The following NEGR1 variants were observed in gnomAD, a reference collection of about 807,000 sequenced individuals.
NEGR1 encodes the protein IgLON family member 4.
Under a neutral mutation model 40.9 loss-of-function variants are expected in NEGR1, and 10 were observed. That is an observed-to-expected ratio of 0.24 (90% confidence interval 0.15 to 0.42). The LOEUF (loss-of-function observed/expected upper bound fraction) is 0.42, where lower values mean the gene tolerates loss of function less well. Among genes scored for constraint, NEGR1 ranks in the 10% least tolerant of loss-of-function variants. The pLI, the probability that NEGR1 is intolerant of heterozygous loss-of-function variation, is 1.00. For synonymous variants in NEGR1, 185 were observed against 166.8 expected, an observed-to-expected ratio of 1.11 and a Z score of -0.84; for missense variants, 352 against 438.9, an observed-to-expected ratio of 0.80 and a Z score of 1.77.
chr1:71,480,384 A>G (rs895629299), intron 6 of NEGR1, among the ~76,000 whole-genome samples: 2 of 151,814 alleles, frequency 1.3e-5, no homozygotes, highest in African/African-American at 4.8e-5. Flanking sequence ...TGTTCTGTCC[A>G]CTACCCTTCC....
chr1:71,992,531 C>G (rs1646463262), intron 1 of NEGR1, among the ~76,000 whole-genome samples: 1 of 119,216 alleles, frequency 8.4e-6, no homozygotes, highest in Non-Finnish European at 1.9e-5. Context: ...TGTAATTTAT[C>G]TATCTCAATA....
chr1:72,110,934 G>T (rs140328128), intron 1 of NEGR1, among the ~76,000 whole-genome samples: 46 of 151,528 alleles, frequency 3.0e-4, no homozygotes, highest in African/African-American at 9.9e-4. Context: ...TTGGGAACAT[G>T]AAAACAAATT....
chr1:71,949,113 G>A (rs1317014405), intron 1 of NEGR1, among the ~76,000 whole-genome samples: 1 of 152,144 alleles, frequency 6.6e-6, no homozygotes, highest in African/African-American at 2.4e-5. Context: ...TCTAGCCTGA[G>A]GAATTTAGGG....
chr1:71,458,087 G>C (rs1646687165), intron 6 of NEGR1, among the ~76,000 whole-genome samples: 1 of 152,094 alleles, frequency 6.6e-6, no homozygotes, highest in African/African-American at 2.4e-5. Context: ...TTTTATCCTA[G>C]ATCTATTTAA....
intron 6 of NEGR1, among the ~76,000 whole-genome samples, chr1:71,563,985 T>C (rs530804398): frequency 7.3e-4 from 111 of 151,876 alleles, no homozygotes; most frequent in African/African-American, 2.3e-3. Flanking sequence ...AACCTTCCAC[T>C]CTATCATTTC....
At chr1:72,050,099 TAAAG>T (rs772590542) in intron 1 of NEGR1, among the ~76,000 whole-genome samples, 46 of 151,542 alleles carry the variant, frequency 3.0e-4, no homozygotes, top group Admixed American at 8.6e-4. Context: ...CTTTTCTAGA[TAAAG>T]AAATCTTTAT....
At chr1:71,663,505 A>G (rs1011797012) in intron 4 of NEGR1, among the ~76,000 whole-genome samples, 1 of 152,326 alleles carries the variant, frequency 6.6e-6, no homozygotes, top group Non-Finnish European at 1.5e-5. Flanking sequence ...TTGCTATGTC[A>G]TAAAACCCTT....
chr1:72,201,364 T>G (rs1038410253), intron 1 of NEGR1, among the ~76,000 whole-genome samples: 35 of 151,730 alleles, frequency 2.3e-4, no homozygotes, highest in African/African-American at 8.2e-4. Context: ...CATAAAACTA[T>G]AGTGATACAA....
At chr1:71,655,475 C>G (rs1035740471) in intron 4 of NEGR1, among the ~76,000 whole-genome samples, 1 of 152,196 alleles carries the variant, frequency 6.6e-6, no homozygotes, top group African/African-American at 2.4e-5. Context: ...CATTTGTGAA[C>G]TGCCTTTCTT....
At chr1:71,708,811 G>T (rs1296384182) in intron 3 of NEGR1, among the ~76,000 whole-genome samples, 1 of 152,094 alleles carries the variant, frequency 6.6e-6, no homozygotes, top group East Asian at 1.9e-4. Flanking sequence ...TCACAATTCA[G>T]CTCCCACTTT....
In NEGR1 at chr1:71,987,439, G is replaced by C. The variant is rs1303756961; in HGVS notation, c.177-52128C>G. On this transcript the variant is annotated intron_variant, in intron 1 of 6. Coordinates refer to ENST00000357731, the MANE Select transcript of NEGR1 (RefSeq NM_173808.3). The stretch of plus-strand genomic sequence containing the variant: ...GATCTGTGGAAGGGGTAGGTGAAGG[G>C]GGAGACAGTGCAGATATAAGACTAA... Among the ~76,000 whole-genome samples the C allele has an allele frequency of 1.3e-4, 20 of 152,236 alleles. No individual in the cohort carries two copies. In the South Asian group the frequency reaches 3.9e-3, roughly 30 times the overall value.
chr1:72,156,053 TA>T (rs1345664982), intron 1 of NEGR1, among the ~76,000 whole-genome samples: 4 of 152,140 alleles, frequency 2.6e-5, no homozygotes, highest in African/African-American at 9.7e-5. Context: ...ATCTAAGCCA[TA>T]ACATTTGAAA....
intron 1 of NEGR1, among the ~76,000 whole-genome samples, chr1:71,988,545 CAAAAAAA>C (rs1197884975): frequency 1.3e-4 from 5 of 39,744 alleles, no homozygotes; most frequent in Admixed American, 4.0e-4. Flanking sequence ...GACTCCGTCT[CAAAAAAA>C]AAAAAAAAAA....
intron 3 of NEGR1, among the ~76,000 whole-genome samples, chr1:71,743,259 G>T (rs1655273531): frequency 6.6e-6 from 1 of 152,128 alleles, no homozygotes; most frequent in Admixed American, 6.6e-5. Context: ...ATGTAATACA[G>T]AATATTTTTC....
At chr1:71,720,243 C>A (rs1297529410) in intron 3 of NEGR1, among the ~76,000 whole-genome samples, 2 of 152,106 alleles carry the variant, frequency 1.3e-5, no homozygotes, top group East Asian at 1.9e-4. Flanking sequence ...TGATAGGAAT[C>A]CATTGGTTCA....
At chr1:71,765,490 A>T (rs941518552) in intron 3 of NEGR1, among the ~76,000 whole-genome samples, 1 of 152,042 alleles carries the variant, frequency 6.6e-6, no homozygotes, top group African/African-American at 2.4e-5. Context: ...TCCAATTTTG[A>T]TTAATAAAGG....
chr1:71,557,030 G>T (rs147462308), intron 6 of NEGR1, among the ~76,000 whole-genome samples: 1 of 151,696 alleles, frequency 6.6e-6, no homozygotes, highest in Non-Finnish European at 1.5e-5. Flanking sequence ...GAGTTGGAAT[G>T]GTTTTAGAAA....
chr1:71,774,079 T>G (rs1012582043), intron 3 of NEGR1, among the ~76,000 whole-genome samples: 3 of 152,208 alleles, frequency 2.0e-5, no homozygotes, highest in Non-Finnish European at 4.4e-5. Context: ...CATTTACATA[T>G]TAAGTTTTAC....
chr1:71,640,223 C>T (rs1398411865), intron 4 of NEGR1, among the ~76,000 whole-genome samples: 1 of 151,994 alleles, frequency 6.6e-6, no homozygotes, highest in East Asian at 1.9e-4. Context: ...TAATGTGTGG[C>T]CACACTGCTG....
Sources: gnomAD v4.1 joint callset for allele counts (sites outside exome capture counted in the v4.1 genomes callset) on GRCh38, gnomAD v4.1.1 for gene constraint, MANE v1.5 for transcripts, NCBI Gene and HGNC (gene_info 2026-07-23, HGNC 2026-07-21) for gene names.